The following DAB1 variants were observed in gnomAD, a reference collection of about 807,000 sequenced individuals.
The protein encoded by DAB1 is DAB adaptor protein 1, also known as disabled homolog 1.
Under a neutral mutation model 64.6 loss-of-function variants are expected in DAB1, and 15 were observed. That is an observed-to-expected ratio of 0.23 (90% CI 0.16 to 0.36). DAB1 has a LOEUF of 0.36. Ranked by LOEUF, DAB1 falls within the 10% of genes least tolerant of loss-of-function variation. The pLI, the probability that DAB1 is intolerant of heterozygous loss-of-function variation, is 1.00. For missense variants in DAB1, 596 were observed against 706.7 expected (o/e 0.84, Z 1.78); for synonymous variants, 235 against 251.9 (o/e 0.93, Z 0.64).
chr1:58,389,448 T>C (rs1228725630), intron 3 of DAB1, among the ~76,000 whole-genome samples: 2 of 152,132 alleles, frequency 1.3e-5, no homozygotes, highest in Admixed American at 1.3e-4. Flanking sequence ...AAAAAAGAAC[T>C]GCCTATAACA....
At chr1:57,561,468 T>C (rs937535766) in intron 7 of DAB1, among the ~76,000 whole-genome samples, 4 of 152,184 alleles carry the variant, frequency 2.6e-5, no homozygotes, top group Non-Finnish European at 5.9e-5. Context: ...AGAGGCATGA[T>C]TGGAAAATTG....
intron 5 of DAB1, among the ~76,000 whole-genome samples, chr1:58,016,007 G>C (rs571284019): frequency 7.1e-6 from 1 of 140,800 alleles, no homozygotes; most frequent in East Asian, 2.1e-4. Flanking sequence ...AAACAGCCTA[G>C]GGGGGGGTAG....
rs117658073 is a variant in DAB1 at position 58,470,083 on chromosome 1, G to A, written n.257+35977C>T. ...TTTGACAAAGAGGGAATTTGAGGTT[G>A]GCAGCTACAAAACAGCAAAGCTGGG... is the stretch of plus-strand genomic sequence containing the variant. On this transcript the variant is annotated intron_variant and non_coding_transcript_variant, in intron 3 of 20. Coordinates refer to the DAB1 transcript ENST00000485760. Among the ~76,000 whole-genome samples the A allele has an allele frequency of 4.3e-4, 65 of 151,436 alleles. No homozygotes were observed. In the East Asian group the frequency reaches 0.011, roughly 27 times the overall value.
intron 5 of DAB1, among the ~76,000 whole-genome samples, chr1:57,947,433 A>G (rs1645200725): frequency 6.6e-6 from 1 of 152,096 alleles, no homozygotes. Flanking sequence ...TTTTAACCAG[A>G]GCACACCTTG....
At chr1:58,348,863 G>T (rs1644025276) in intron 3 of DAB1, among the ~76,000 whole-genome samples, 1 of 152,170 alleles carries the variant, frequency 6.6e-6, no homozygotes, top group Non-Finnish European at 1.5e-5. Context: ...GGAAGACTTG[G>T]CAGGATACTT....
chr1:58,115,998 A>T (rs75165793), intron 5 of DAB1, among the ~76,000 whole-genome samples: 27,610 of 150,720 alleles, frequency 0.18, 3,108 homozygotes, highest in East Asian at 0.51. Context: ...AAAAAAAAAA[A>T]ATTAATATTA....
At chr1:58,396,755 C>T (rs1339011848) in intron 3 of DAB1, among the ~76,000 whole-genome samples, 1 of 152,134 alleles carries the variant, frequency 6.6e-6, no homozygotes, top group East Asian at 1.9e-4. Flanking sequence ...CAGCAAAGCA[C>T]AGGGACATAA....
intron 6 of DAB1, among the ~76,000 whole-genome samples, chr1:57,787,211 A>C (rs1389349877): frequency 1.3e-5 from 2 of 152,206 alleles, no homozygotes; most frequent in Non-Finnish European, 2.9e-5. Context: ...GGCCAAATCA[A>C]TGTTGAAACA....
chr1:57,381,801 T>C (rs1001058031), intron 1 of DAB1, among the ~76,000 whole-genome samples: 7 of 152,176 alleles, frequency 4.6e-5, no homozygotes, highest in African/African-American at 7.2e-5. Flanking sequence ...TTATTAACAA[T>C]TGGGCATTGG....
At chr1:57,270,615 C>T (rs1282477445) in intron 2 of DAB1, among the ~76,000 whole-genome samples, 2 of 152,230 alleles carry the variant, frequency 1.3e-5, no homozygotes, top group South Asian at 2.1e-4. Context: ...CTCTTAAATA[C>T]TCTTCATTAT....
At chr1:57,297,922 C>A (rs1035404796) in intron 1 of DAB1, among the ~76,000 whole-genome samples, 1 of 152,104 alleles carries the variant, frequency 6.6e-6, no homozygotes, top group African/African-American at 2.4e-5. Flanking sequence ...AGTCTATGGA[C>A]CAAATTTGCA....
chr1:57,632,725 A>G (rs1646005598), intron 7 of DAB1, among the ~76,000 whole-genome samples: 1 of 152,256 alleles, frequency 6.6e-6, no homozygotes, highest in South Asian at 2.1e-4. Context: ...TGACAAATCA[A>G]AAAATAGCAA....
At chr1:57,730,446 T>C (rs756862666) in intron 6 of DAB1, among the ~76,000 whole-genome samples, 1 of 152,212 alleles carries the variant, frequency 6.6e-6, no homozygotes, top group Non-Finnish European at 1.5e-5. Context: ...TGTGTTCAAC[T>C]AGTCAGAGCG....
chr1:57,479,889 C>A (rs1164372506), intron 7 of DAB1, among the ~76,000 whole-genome samples: 1 of 152,068 alleles, frequency 6.6e-6, no homozygotes, highest in Non-Finnish European at 1.5e-5. Context: ...CGCGGTGGCT[C>A]ATGCCTGTAA....
chr1:58,513,712 G>A (rs944695732), intron 2 of DAB1, among the ~76,000 whole-genome samples: 4 of 152,262 alleles, frequency 2.6e-5, no homozygotes, highest in South Asian at 2.1e-4. Flanking sequence ...TCACTTATAT[G>A]ACACCACATG....
Position 57,491,711 on chromosome 1 carries a change from G to A in DAB1, n.625+157881C>T, listed in dbSNP as rs866032598. Among the ~76,000 whole-genome samples, 3 of 152,300 alleles carry A rather than the reference G, an allele frequency of 2.0e-5. No homozygotes were observed. In the South Asian group the frequency reaches 6.2e-4, roughly 32 times the overall value. ...ACATGAGATTCCACTTGGCAATGCC[G>A]TGTTTCCATTAGTAGAATGAGAAGA... is the stretch of plus-strand genomic sequence containing the variant. On this transcript the variant is annotated intron_variant and non_coding_transcript_variant, in intron 7 of 20. Coordinates refer to the DAB1 transcript ENST00000485760.
At chr1:57,892,090 C>A (rs770397369) in intron 5 of DAB1, among the ~76,000 whole-genome samples, 6 of 152,190 alleles carry the variant, frequency 3.9e-5, no homozygotes, top group Admixed American at 6.5e-5. Flanking sequence ...CAGCACCCAG[C>A]ACACAGTATA....
At chr1:57,093,417 T>C (rs1653871598) in intron 4 of DAB1, among the ~76,000 whole-genome samples, 1 of 152,038 alleles carries the variant, frequency 6.6e-6, no homozygotes. Flanking sequence ...GCCTTGAAAA[T>C]CATCTTCCAC....
At chr1:58,488,027 T>C (rs1645606440) in intron 3 of DAB1, among the ~76,000 whole-genome samples, 1 of 152,180 alleles carries the variant, frequency 6.6e-6, no homozygotes, top group Non-Finnish European at 1.5e-5. Context: ...ATTTTATTAA[T>C]TATATTTTCC....
Sources: gnomAD v4.1 joint callset for allele counts (sites outside exome capture counted in the v4.1 genomes callset) on GRCh38, gnomAD v4.1.1 for gene constraint, MANE v1.5 for transcripts, NCBI Gene and HGNC (gene_info 2026-07-23, HGNC 2026-07-21) for gene names.